The following RCN2 variants were observed in gnomAD, a reference collection of about 807,000 sequenced individuals.
The protein encoded by RCN2 is reticulocalbin-2.
RCN2 carries 23 observed loss-of-function variants against 37.5 expected under a neutral mutation model. That is an observed-to-expected ratio of 0.61 (90% CI 0.44 to 0.87). RCN2 has a LOEUF of 0.87. RCN2 is among the 40% of genes least tolerant of loss of function. The probability of loss-of-function intolerance (pLI) is 0.00; values close to 1 mark genes in which losing one functional copy is unlikely to be tolerated. For synonymous variants in RCN2, 140 were observed against 144.6 expected, an observed-to-expected ratio of 0.97 and a Z score of 0.23; for missense variants, 381 against 390.4, an observed-to-expected ratio of 0.98 and a Z score of 0.20.
rs1041406702 is a variant in RCN2 at position 76,931,894 on chromosome 15, C to T, written c.53C>T (p.Ala18Val). Residue 18 changes from alanine to valine, a missense_variant, in exon 1 of 7, where the codon GCC (alanine) becomes GTC (valine). Physicochemically the swap from Ala to Val is moderately conservative, Grantham distance 64. Transcript: ENST00000394885. ...TTGGGGCTGCTGCTGCTGTGCGCCG[C>T]CGCGGCCGGCGCCGGCAAGGCCGAG... ...AALGLLLLCA[A>V]AAGAGKAEEL... The T allele has an allele frequency of 4.5e-6, 6 of 1,320,130 alleles. No homozygotes were observed. In the African/African-American group the frequency reaches 9.3e-5, roughly 20 times the overall value. 81.8% of individuals were successfully genotyped at this position (1,320,130 alleles called of 1,614,324 possible). A position where few individuals can be genotyped will look rare whatever the true frequency, so the allele number is the denominator to read the frequency against.
At chr15:76,932,072 G>A in intron 1 of RCN2, 87 bp downstream of exon 1, 1 of 1,201,062 alleles carries the variant, frequency 8.3e-7, no homozygotes, top group Non-Finnish European at 1.1e-6. Context: ...GGGGCGGCCG[G>A]GCGAGGCCTG....
chr15:76,953,082 C>T lies in RCN2; in HGVS notation c.*3860C>T, dbSNP rs149443428. 1,447 of 152,278 alleles carry T rather than the reference C, an allele frequency of 9.5e-3. 12 individuals carry two copies. The highest frequency in any genetic ancestry group is 0.015 in the Non-Finnish European group (995 of 68,206). 9.4% of individuals were successfully genotyped at this position (152,278 alleles called of 1,614,324 possible). On this transcript the variant is annotated 3_prime_UTR_variant, in exon 7 of 7. Transcript: ENST00000394885. ...CCAAGTAGCTGGGATTATAGATGCCCGCTACCACGCCCGGCTAATTTTTGT... is the reference window on the plus strand; with the variant it reads ...CCAAGTAGCTGGGATTATAGATGCCTGCTACCACGCCCGGCTAATTTTTGT...
At chr15:76,939,219 ACCT>A (rs2075266577) in intron 3 of RCN2, among the ~76,000 whole-genome samples, 2 of 150,684 alleles carry the variant, frequency 1.3e-5, no homozygotes, top group South Asian at 4.2e-4. Flanking sequence ...CAACAGAGAG[ACCT>A]CATTTCTAAA....
chr15:76,941,593 T>G (rs1400789491), intron 3 of RCN2: 4 of 1,133,776 alleles, frequency 3.5e-6, no homozygotes, highest in Non-Finnish European at 5.0e-6. Flanking sequence ...AAAAAGAGTG[T>G]TGAAGTTTTA....
intron 3 of RCN2, among the ~76,000 whole-genome samples, chr15:76,938,164 G>T (rs1185588543): frequency 1.3e-5 from 2 of 152,082 alleles, no homozygotes; most frequent in African/African-American, 2.4e-5. Context: ...TTAGTCAAGG[G>T]TGCTTGGAAA....
At chr15:76,937,308 C>T (rs2075255296) in intron 3 of RCN2, among the ~76,000 whole-genome samples, 1 of 152,044 alleles carries the variant, frequency 6.6e-6, no homozygotes, top group Non-Finnish European at 1.5e-5. Context: ...TGGGTATATA[C>T]CTGGAAGTGA....
intron 6 of RCN2, 130 bp downstream of exon 6, chr15:76,948,682 T>C (rs1024991846): frequency 2.7e-5 from 23 of 855,566 alleles, no homozygotes; most frequent in Non-Finnish European, 4.0e-5. Flanking sequence ...GATGCATTAC[T>C]ATGTTTTGAA....
At chr15:76,939,016 C>T (rs773741394) in intron 3 of RCN2, among the ~76,000 whole-genome samples, 1 of 152,108 alleles carries the variant, frequency 6.6e-6, no homozygotes, top group Admixed American at 6.6e-5. Context: ...ACATTTTCCT[C>T]TTAAAAATTA....
intron 3 of RCN2, chr15:76,942,762 T>C (rs4886842): frequency 0.27 from 41,531 of 152,000 alleles, 6,679 homozygotes; most frequent in East Asian, 0.55. Context: ...GGCAACATAG[T>C]GAAACCCCAT....
At chr15:76,941,602 T>C (rs2075276710) in intron 3 of RCN2, 7 of 1,286,268 alleles carry the variant, frequency 5.4e-6, no homozygotes, top group African/African-American at 3.0e-5. Context: ...GTTGAAGTTT[T>C]ATGAAACTGA....
chr15:76,948,799 A>G (rs2075307066), intron 6 of RCN2: 1 of 523,154 alleles, frequency 1.9e-6, no homozygotes, highest in Admixed American at 3.6e-5. Flanking sequence ...ACCTACAGGG[A>G]CTCAAAACAG....
chr15:76,951,766 A>G lies in RCN2; in HGVS notation c.*2544A>G, dbSNP rs1368068400. ...AGCATGAGAGTAAAAATAGTTTGAGACTTTCTGAATCATTGGCTGATTCTG... is the reference window on the plus strand; with the variant it reads ...AGCATGAGAGTAAAAATAGTTTGAGGCTTTCTGAATCATTGGCTGATTCTG... On this transcript the variant is annotated 3_prime_UTR_variant, in exon 7 of 7. Transcript: ENST00000394885. 1.3e-5 allele frequency: 2 copies of G among 152,192 alleles called. No homozygotes were observed. Among genetic ancestry groups the G allele is most frequent in the Non-Finnish European group, 2.9e-5 (2 of 68,036 alleles). 9.4% of individuals were successfully genotyped at this position (152,192 alleles called of 1,614,324 possible).
chr15:76,949,420 C>A lies in RCN2; in HGVS notation c.*198C>A. 1 of 411,090 alleles carries A rather than the reference C, an allele frequency of 2.4e-6. No homozygotes were observed. The highest frequency in any genetic ancestry group is 4.3e-6 in the Non-Finnish European group (1 of 234,198). 25.5% of individuals were successfully genotyped at this position (411,090 alleles called of 1,614,324 possible). On this transcript the variant is annotated 3_prime_UTR_variant, in exon 7 of 7. Transcript: ENST00000394885. ...ATATTTATTTCAAAATGTATTGAAG[C>A]AACAAAATATTAATATTGTGCCATA...
At chr15:76,947,663 G>A (rs1390058121) in intron 5 of RCN2, 146 bp downstream of exon 5, 1 of 589,662 alleles carries the variant, frequency 1.7e-6, no homozygotes, top group Admixed American at 3.7e-5. Context: ...TGTAATACAA[G>A]TTCAACAAAT....
intron 2 of RCN2, among the ~76,000 whole-genome samples, chr15:76,933,098 C>G (rs2075231738): frequency 6.6e-6 from 1 of 152,154 alleles, no homozygotes; most frequent in African/African-American, 2.4e-5. Flanking sequence ...ATCTGATGCT[C>G]TCAGGTAAAT....
intron 4 of RCN2, 123 bp downstream of exon 4, chr15:76,943,994 T>TC (rs2075285874): frequency 2.2e-6 from 1 of 444,966 alleles, no homozygotes; most frequent in African/African-American, 2.2e-5. Context: ...CTTTTTTTTT[T>TC]TTTTTTTTTT....
intron 3 of RCN2, among the ~76,000 whole-genome samples, chr15:76,936,191 CTG>C (rs1356446792): frequency 6.0e-5 from 9 of 151,060 alleles, no homozygotes; most frequent in Admixed American, 5.9e-4. Context: ...AAAAAAAAAA[CTG>C]TGTCTCTATT....
At position 76,931,920 on chromosome 15, in the gene RCN2, G is replaced by T. The variant is rs563134720; in HGVS notation, c.79G>T (p.Glu27Ter). 5.3e-6 allele frequency: 7 copies of T among 1,326,464 alleles called. No individual in the cohort carries two copies. The highest frequency in any genetic ancestry group is 1.5e-5 in the African/African-American group (1 of 64,848). The allele number at this position is 1,326,464 out of a possible 1,614,324, so 82.2% of individuals were successfully genotyped here. ...AAAAGAGKAE[E>*]LHYPLGERRS... ...CGCGGCCGGCGCCGGCAAGGCCGAG[G>T]AGCTGCACTACCCGCTGGGCGAGCG... Residue 27 changes from glutamate (E) to a stop codon, truncating the protein, a stop_gained, in exon 1 of 7, where the codon GAG becomes TAG. Transcript: ENST00000394885. LOFTEE classifies it high-confidence loss of function.
At chr15:76,941,459 G>A (rs2075276203) in intron 3 of RCN2, 1 of 421,768 alleles carries the variant, frequency 2.4e-6, no homozygotes, top group Non-Finnish European at 4.2e-6. Context: ...CCAAAAGATG[G>A]CAGTTTTGTT....
Sources: gnomAD v4.1 joint callset for allele counts (sites outside exome capture counted in the v4.1 genomes callset) on GRCh38, gnomAD v4.1.1 for gene constraint, MANE v1.5 for transcripts, NCBI Gene and HGNC (gene_info 2026-07-23, HGNC 2026-07-21) for gene names.